Variants in EPHA5 observed in about 807,000 individuals in gnomAD.
EPHA5 encodes the protein ephrin type-A receptor 5.
Under a neutral mutation model 105.0 loss-of-function variants are expected in EPHA5, and 60 were observed. The observed-to-expected ratio is 0.57, with a 90% CI of 0.46 to 0.71. EPHA5 has a LOEUF of 0.71. Among genes scored for constraint, EPHA5 ranks in the 30% least tolerant of loss-of-function variants. The pLI is 0.00. For missense variants in EPHA5, 1,218 were observed against 1,274.7 expected, an observed-to-expected ratio of 0.96 and a Z score of 0.68; for synonymous variants, 513 against 449.1, an observed-to-expected ratio of 1.14 and a Z score of -1.80.
chr4:65,555,225 G>A (rs1215468116), intron 3 of EPHA5, among the ~76,000 whole-genome samples: 3 of 151,870 alleles, frequency 2.0e-5, no homozygotes, highest in African/African-American at 7.3e-5. Flanking sequence ...TTCAGGTTTA[G>A]CAGATGAGAA....
At chr4:65,567,090 A>T (rs1739620628) in intron 3 of EPHA5, among the ~76,000 whole-genome samples, 1 of 151,692 alleles carries the variant, frequency 6.6e-6, no homozygotes, top group African/African-American at 2.4e-5. Flanking sequence ...AAAAATATTT[A>T]TTTCTGAAGT....
chr4:65,641,212 C>T (rs1291872578), intron 2 of EPHA5, among the ~76,000 whole-genome samples: 1 of 152,126 alleles, frequency 6.6e-6, no homozygotes, highest in African/African-American at 2.4e-5. Flanking sequence ...TGAATTTTGG[C>T]TTTTCAAGAC....
chr4:65,389,153 T>A (rs4443335), intron 8 of EPHA5, among the ~76,000 whole-genome samples: 1 of 152,012 alleles, frequency 6.6e-6, no homozygotes, highest in East Asian at 1.9e-4. Context: ...ATATTTTTCC[T>A]TGCAGCAAAT....
chr4:65,401,061 T>A (rs11723418), intron 8 of EPHA5, among the ~76,000 whole-genome samples: 12,955 of 151,358 alleles, frequency 0.086, 687 homozygotes, highest in Non-Finnish European at 0.12. Flanking sequence ...TGTGTGTGTG[T>A]GAGAGAGAGA....
Position 65,601,919 on chromosome 4 carries a change from T to TA in EPHA5, c.631dup (p.Tyr211LeufsTer21). 1 of 1,614,196 alleles carries TA rather than the reference T, an allele frequency of 6.2e-7. No homozygotes were observed. The highest frequency in any genetic ancestry group is 8.5e-7 in the Non-Finnish European group (1 of 1,180,026). ...AGCACCAACATCTTGAAAAGCAAGA[T>TA]AAAATCCCTTTTTGCTTAGAGGTCC... On this transcript the variant is annotated frameshift_variant, in exon 3 of 17. Transcript: ENST00000613740. LOFTEE classifies it high-confidence loss of function.
At chr4:65,531,032 T>A (rs1026044834) in intron 3 of EPHA5, among the ~76,000 whole-genome samples, 6 of 130,432 alleles carry the variant, frequency 4.6e-5, no homozygotes, top group Non-Finnish European at 1.0e-4. Flanking sequence ...TTATTTTTTT[T>A]ATTTTTTTAT....
At chr4:65,331,931 T>C (rs375899704) in intron 16 of EPHA5, 42 bp downstream of exon 16, 7 of 1,564,266 alleles carry the variant, frequency 4.5e-6, no homozygotes, top group Non-Finnish European at 6.1e-6. Flanking sequence ...CAATTTTTCT[T>C]GCCCCAGCAA....
At chr4:65,509,182 C>T (rs1733358517) in intron 3 of EPHA5, among the ~76,000 whole-genome samples, 1 of 152,126 alleles carries the variant, frequency 6.6e-6, no homozygotes, top group Non-Finnish European at 1.5e-5. Context: ...AGACATACTT[C>T]TTTACTTACA....
chr4:65,574,637 TATACACATATATATAC>T (rs1740633627), intron 3 of EPHA5, among the ~76,000 whole-genome samples: 1 of 122,416 alleles, frequency 8.2e-6, no homozygotes, highest in African/African-American at 2.9e-5. Flanking sequence ...CACATATATA[TATACACATATATATAC>T]ACATATATAT....
At chr4:65,660,185 T>A (rs2149547895) in intron 1 of EPHA5, among the ~76,000 whole-genome samples, 1 of 152,216 alleles carries the variant, frequency 6.6e-6, no homozygotes, top group Admixed American at 6.5e-5. Context: ...TTTAAAAAAA[T>A]TCTGCCCTCT....
At chr4:65,504,517 C>T (rs1264607019) in intron 3 of EPHA5, among the ~76,000 whole-genome samples, 1 of 151,756 alleles carries the variant, frequency 6.6e-6, no homozygotes, top group East Asian at 1.9e-4. Flanking sequence ...AATAGTTAAG[C>T]TGAACTAATT....
intron 8 of EPHA5, among the ~76,000 whole-genome samples, chr4:65,383,855 T>TA (rs1239784656): frequency 3.3e-5 from 5 of 151,732 alleles, no homozygotes; most frequent in African/African-American, 7.3e-5. Flanking sequence ...ATTCATAACA[T>TA]AAAAAATATA....
At chr4:65,486,192 C>T (rs1208666382) in intron 5 of EPHA5, among the ~76,000 whole-genome samples, 1 of 152,114 alleles carries the variant, frequency 6.6e-6, no homozygotes, top group East Asian at 1.9e-4. Flanking sequence ...CTTCTCATTA[C>T]TGGTTCCCCC....
At chr4:65,373,971 G>A (rs989990230) in intron 8 of EPHA5, among the ~76,000 whole-genome samples, 1 of 151,912 alleles carries the variant, frequency 6.6e-6, no homozygotes, top group Admixed American at 6.6e-5. Context: ...TAAGTATTAT[G>A]CTATAAATAT....
chr4:65,441,151 A>G (rs890843560), intron 5 of EPHA5, among the ~76,000 whole-genome samples: 2 of 152,136 alleles, frequency 1.3e-5, no homozygotes, highest in African/African-American at 4.8e-5. Context: ...AGCATCTTTA[A>G]TATACTATAT....
rs534890149 is a variant in EPHA5, at chr4:65,322,520, A to C, written c.*1594T>G. On this transcript the variant is annotated 3_prime_UTR_variant, in exon 17 of 17. Transcript: ENST00000613740. ...TCACATGACATTCCATAATTTTTAT[A>C]AAGTGTAATAATACAAAAATGTTGG... 2 of 225,290 alleles carry C rather than the reference A, an allele frequency of 8.9e-6. No individual in the cohort carries two copies. The highest frequency in any genetic ancestry group is 1.3e-4 in the East Asian group (2 of 15,712). 14.0% of individuals were successfully genotyped at this position (225,290 alleles called of 1,614,324 possible). A position where few individuals can be genotyped will look rare whatever the true frequency, so the allele number is the denominator to read the frequency against.
intron 6 of EPHA5, among the ~76,000 whole-genome samples, chr4:65,416,017 G>T (rs1723351021): frequency 6.6e-6 from 1 of 151,700 alleles, no homozygotes; most frequent in Non-Finnish European, 1.5e-5. Flanking sequence ...TTCCCATATT[G>T]TTTAAAAGCA....
At chr4:65,628,638 A>G (rs1578626641) in intron 2 of EPHA5, among the ~76,000 whole-genome samples, 1 of 152,174 alleles carries the variant, frequency 6.6e-6, no homozygotes, top group Non-Finnish European at 1.5e-5. Context: ...TCATTATTCA[A>G]TCTGGCATCA....
intron 8 of EPHA5, among the ~76,000 whole-genome samples, chr4:65,370,159 T>A (rs1718317362): frequency 6.6e-6 from 1 of 152,090 alleles, no homozygotes; most frequent in Non-Finnish European, 1.5e-5. Flanking sequence ...TAGATACATA[T>A]GTCATTCCAG....
Sources: allele counts gnomAD v4.1 joint callset (sites outside exome capture counted in the v4.1 genomes callset), GRCh38; gene constraint gnomAD v4.1.1; transcripts MANE v1.5; gene names NCBI Gene and HGNC (gene_info 2026-07-23, HGNC 2026-07-21).